Variants in PIEZO2 observed in about 807,000 individuals in gnomAD.
The protein encoded by PIEZO2 is piezo-type mechanosensitive ion channel component 2.
A neutral mutation model predicts 337.3 loss-of-function variants in PIEZO2; 172 were observed. The ratio of observed to expected loss-of-function variants is 0.51; its 90% CI spans 0.45 to 0.58. The LOEUF (loss-of-function observed/expected upper bound fraction) is 0.58, where lower values mean the gene tolerates loss of function less well. Ranked by LOEUF, PIEZO2 falls within the 20% of genes least tolerant of loss-of-function variation. The pLI, the probability that PIEZO2 is intolerant of heterozygous loss-of-function variation, is 0.00. For missense variants in PIEZO2, 3,028 were observed against 3,391.3 expected, an observed-to-expected ratio of 0.89 and a Z score of 2.66; for synonymous variants, 1,251 against 1,228.5, an observed-to-expected ratio of 1.02 and a Z score of -0.38.
At chr18:10,829,963 A>G (rs1172941902) in intron 7 of PIEZO2, among the ~76,000 whole-genome samples, 3 of 151,856 alleles carry the variant, frequency 2.0e-5, no homozygotes. Context: ...TTTATATGGA[A>G]CCACAAAAGA....
At position 10,736,672 on chromosome 18, in the gene PIEZO2, T is replaced by C. The variant is rs1257745293; in HGVS notation, c.4747A>G (p.Ser1583Gly). The C allele has an allele frequency of 6.5e-7, 1 of 1,537,064 alleles. No homozygotes were observed. Among genetic ancestry groups the C allele is most frequent in the Non-Finnish European group, 8.7e-7 (1 of 1,146,750 alleles). ...AATTCTTCCTCTTCCTCCTCTTCAC[T>C]ATCCGTTTCAAACAAATAATAATCT... ...SGDYYLFETD[S>G]EEEEEEELKK... Residue 1583 changes from serine to glycine, a missense_variant, in exon 34 of 56, where the codon AGT becomes GGT. Physicochemically the swap from Ser to Gly is moderately conservative, Grantham distance 56. Around this residue, in one of 5 missense-constraint regions of PIEZO2, gnomAD observed 1,925 missense variants for 2,051.9 expected, o/e 0.94. Coordinates refer to ENST00000674853, the MANE Select transcript of PIEZO2 (RefSeq NM_001378183.1).
chr18:10,737,298 C>CAAAAAAAAAAAAAAAAA (rs962564265), intron 33 of PIEZO2, among the ~76,000 whole-genome samples: 1 of 104,574 alleles, frequency 9.6e-6, no homozygotes, highest in African/African-American at 4.1e-5. Context: ...AAAAAAAAAA[C>CAAAAAAAAAAAAAAAAA]AAAAAAACAC....
intron 36 of PIEZO2, among the ~76,000 whole-genome samples, chr18:10,718,998 TAAATA>T (rs1567981778): frequency 1.1e-4 from 16 of 150,548 alleles, no homozygotes; most frequent in African/African-American, 3.9e-4. Context: ...AATAAATAAA[TAAATA>T]AATAAATAAA....
At chr18:11,005,543 T>C (rs1422744153) in intron 2 of PIEZO2, among the ~76,000 whole-genome samples, 1 of 152,204 alleles carries the variant, frequency 6.6e-6, no homozygotes, top group Non-Finnish European at 1.5e-5. Flanking sequence ...ATTACACACC[T>C]GAGAGGGTGC....
At position 10,699,028 on chromosome 18, in the gene PIEZO2, A is replaced by G. The variant is rs2035220786; in HGVS notation, c.6591T>C (p.His2197=). The change falls in exon 44 of 56, where the codon CAT becomes CAC. Residue 2197 remains histidine, a synonymous_variant. Coordinates refer to ENST00000674853, the MANE Select transcript of PIEZO2 (RefSeq NM_001378183.1). ...CTGTCTGCTGCTCCGGGAAGGTCAC[A>G]TGCACTGACTCCACAGACGCGGCCA... ...INLAASVESV[H]VTFPEQQTAV... 1 of 1,537,048 alleles carries G rather than the reference A, an allele frequency of 6.5e-7. No homozygotes were observed. Among genetic ancestry groups the G allele is most frequent in the Non-Finnish European group, 8.7e-7 (1 of 1,146,918 alleles).
intron 18 of PIEZO2, among the ~76,000 whole-genome samples, chr18:10,776,328 A>G (rs991155204): frequency 1.3e-5 from 2 of 152,220 alleles, no homozygotes; most frequent in Non-Finnish European, 2.9e-5. Context: ...TAAGCAGTTA[A>G]CACAGTGGTT....
rs576742005 is a variant in PIEZO2 at position 10,878,782 on chromosome 18, G to GAAA, written c.330-7370_330-7368dup. On this transcript the variant is annotated intron_variant, in intron 4 of 55. Coordinates refer to ENST00000674853, the MANE Select transcript of PIEZO2 (RefSeq NM_001378183.1). This position sits in a 1 kb window ranked among gnomAD's most constrained non-coding sequence, Gnocchi z 4.3. ...AGACCATACAAAGCTTGGATGTTTT[G>GAAA]AAAAAAAAAAAAAATCACATAACCA... 1.2e-4 allele frequency among the ~76,000 whole-genome samples: 17 copies of GAAA among 139,426 alleles called. No individual in the cohort carries two copies. Among genetic ancestry groups the GAAA allele is most frequent in the African/African-American group, 4.4e-4 (17 of 38,692 alleles). 91.5% of individuals were successfully genotyped at this position (139,426 alleles called of 152,430 possible). A position where few individuals can be genotyped will look rare whatever the true frequency, so the allele number is the denominator to read the frequency against.
intron 1 of PIEZO2, among the ~76,000 whole-genome samples, chr18:11,123,704 G>A (rs1194254437): frequency 6.6e-6 from 1 of 152,094 alleles, no homozygotes; most frequent in Non-Finnish European, 1.5e-5. Context: ...CAGCTACTTG[G>A]GAGGCTGAGG....
At chr18:10,680,720 G>A (rs2034228102) in intron 51 of PIEZO2, among the ~76,000 whole-genome samples, 1 of 152,142 alleles carries the variant, frequency 6.6e-6, no homozygotes, top group Non-Finnish European at 1.5e-5. Context: ...TGTCATGAGA[G>A]AGACAAAACA....
chr18:11,082,074 T>C (rs964766999), intron 1 of PIEZO2, among the ~76,000 whole-genome samples: 1 of 152,002 alleles, frequency 6.6e-6, no homozygotes, highest in African/African-American at 2.4e-5. Context: ...CTTCAGTTCT[T>C]TTTCTTTCTC....
At chr18:11,136,168 T>A (rs559561780) in intron 1 of PIEZO2, among the ~76,000 whole-genome samples, 4 of 152,336 alleles carry the variant, frequency 2.6e-5, no homozygotes, top group African/African-American at 9.6e-5. Flanking sequence ...AAAATAGTGA[T>A]AAGTGGAGTC....
intron 18 of PIEZO2, among the ~76,000 whole-genome samples, chr18:10,776,433 A>G (rs533112848): frequency 6.6e-6 from 1 of 152,246 alleles, no homozygotes; most frequent in South Asian, 2.1e-4. Context: ...AATTCATTGT[A>G]AAGAAAAAGC....
intron 1 of PIEZO2, among the ~76,000 whole-genome samples, chr18:11,139,194 C>A (rs1030860872): frequency 2.6e-5 from 4 of 152,126 alleles, no homozygotes; most frequent in Non-Finnish European, 4.4e-5. Flanking sequence ...TTACCTTGTT[C>A]CAGATGAAAT....
chr18:10,912,639 A>C (rs548376581), intron 3 of PIEZO2, among the ~76,000 whole-genome samples: 1 of 152,276 alleles, frequency 6.6e-6, no homozygotes, highest in South Asian at 2.1e-4. Context: ...CTCTGCCTCA[A>C]AGGCTTCATC....
intron 41 of PIEZO2, among the ~76,000 whole-genome samples, chr18:10,704,986 C>G (rs750146331): frequency 6.6e-6 from 1 of 152,202 alleles, no homozygotes; most frequent in African/African-American, 2.4e-5. Flanking sequence ...CCACTGCGCC[C>G]GGCCATGCCT....
chr18:10,712,170 G>T (rs2035847188), intron 39 of PIEZO2, among the ~76,000 whole-genome samples: 1 of 152,214 alleles, frequency 6.6e-6, no homozygotes, highest in South Asian at 2.1e-4. Context: ...TAACTAGGAA[G>T]CAGCACCAGT....
In PIEZO2 at chr18:11,035,722, T is replaced by C. The variant is rs1233705250; in HGVS notation, c.160+30405A>G. Among the ~76,000 whole-genome samples, 3 of 152,192 alleles carry C rather than the reference T, an allele frequency of 2.0e-5. No individual in the cohort carries two copies. Among genetic ancestry groups the C allele is most frequent in the Admixed American group, 2.0e-4 (3 of 15,280 alleles). ...GGGTTGGAAAGTGTGATTATGATGA[T>C]GAAATTATTATTCCACAAAACTACC... is the stretch of plus-strand genomic sequence containing the variant. On this transcript the variant is annotated intron_variant, in intron 2 of 55. Transcript: ENST00000674853. This position sits in a 1 kb window ranked among gnomAD's most constrained non-coding sequence, Gnocchi z 4.3.
At chr18:10,868,859 C>G (rs1443734906) in intron 5 of PIEZO2, among the ~76,000 whole-genome samples, 1 of 152,160 alleles carries the variant, frequency 6.6e-6, no homozygotes, top group Non-Finnish European at 1.5e-5. Flanking sequence ...TGTAGGCTTT[C>G]TTAGTCCTAT....
At chr18:10,692,349 A>G (rs2034885133) in intron 47 of PIEZO2, among the ~76,000 whole-genome samples, 1 of 152,228 alleles carries the variant, frequency 6.6e-6, no homozygotes, top group Non-Finnish European at 1.5e-5. Flanking sequence ...AGAGTTTGGT[A>G]TAATCTTCTC....
Sources: gnomAD v4.1 joint callset for allele counts (sites outside exome capture counted in the v4.1 genomes callset) on GRCh38, gnomAD v4.1.1 for gene constraint, gnomAD v4.1.1 regional missense constraint, Gnocchi (gnomAD v3.1) non-coding constraint, MANE v1.5 for transcripts, NCBI Gene and HGNC (gene_info 2026-07-23, HGNC 2026-07-21) for gene names.